The following TAFA1 variants were observed in gnomAD, a reference collection of about 807,000 sequenced individuals.
TAFA1 encodes chemokine-like protein TAFA-1.
A neutral mutation model predicts 18.5 loss-of-function variants in TAFA1; 4 were observed. The ratio of observed to expected loss-of-function variants is 0.22; its 90% CI spans 0.11 to 0.49. The LOEUF is 0.49. Among genes scored for constraint, TAFA1 ranks in the 20% least tolerant of loss-of-function variants. The pLI is 0.98. For synonymous variants in TAFA1, 56 were observed against 55.2 expected (o/e 1.01, Z -0.06); for missense variants, 147 against 169.0 (o/e 0.87, Z 0.72).
At chr3:68,460,453 G>C (rs2071753783) in intron 3 of TAFA1, among the ~76,000 whole-genome samples, 1 of 152,150 alleles carries the variant, frequency 6.6e-6, no homozygotes, top group African/African-American at 2.4e-5. Context: ...GGGAGAGACA[G>C]ACTTTTAGCA....
intron 2 of TAFA1, among the ~76,000 whole-genome samples, chr3:68,330,324 G>A (rs111390796): frequency 1.3e-5 from 2 of 152,246 alleles, no homozygotes; most frequent in African/African-American, 4.8e-5. Context: ...TATTAACCAA[G>A]CTGATCCAGG....
At chr3:68,307,121 C>T (rs2068436589) in intron 2 of TAFA1, among the ~76,000 whole-genome samples, 1 of 152,068 alleles carries the variant, frequency 6.6e-6, no homozygotes, top group African/African-American at 2.4e-5. Context: ...GAATTTAATA[C>T]ATTGCCCTAG....
At chr3:68,356,177 G>A (rs1006949833) in intron 2 of TAFA1, among the ~76,000 whole-genome samples, 3 of 151,770 alleles carry the variant, frequency 2.0e-5, no homozygotes, top group African/African-American at 7.3e-5. Context: ...TCTGAATCCA[G>A]TATTTGGGTT....
At chr3:68,072,843 C>T (rs990635021) in intron 2 of TAFA1, among the ~76,000 whole-genome samples, 1 of 152,134 alleles carries the variant, frequency 6.6e-6, no homozygotes, top group Non-Finnish European at 1.5e-5. Flanking sequence ...GCTTGAAACA[C>T]GTGATCTAGT....
At position 68,255,713 on chromosome 3, in the gene TAFA1, T is replaced by G. The variant is rs570184586; in HGVS notation, c.119-161567T>G. 1.3e-4 allele frequency among the ~76,000 whole-genome samples: 20 copies of G among 152,194 alleles called. No individual in the cohort carries two copies. The South Asian group carries it at 3.7e-3, about 28-fold the overall frequency. On this transcript the variant is annotated intron_variant, in intron 2 of 4. Coordinates refer to ENST00000478136, the MANE Select transcript of TAFA1 (RefSeq NM_213609.4). ...TGTTTGTTTTATGAAGGATAATGATTTATTTTTTAAGGGACCCTAGGCTTC... is the reference window on the plus strand; with the variant it reads ...TGTTTGTTTTATGAAGGATAATGATGTATTTTTTAAGGGACCCTAGGCTTC...
chr3:68,321,656 T>C (rs985223669), intron 2 of TAFA1, among the ~76,000 whole-genome samples: 3 of 152,194 alleles, frequency 2.0e-5, no homozygotes, highest in African/African-American at 7.2e-5. Context: ...GAAGCCATCA[T>C]TGATCTCCCA....
chr3:68,026,759 T>C (rs1482600460), intron 2 of TAFA1, among the ~76,000 whole-genome samples: 1 of 152,194 alleles, frequency 6.6e-6, no homozygotes, highest in East Asian at 1.9e-4. Flanking sequence ...TGTTCACTTC[T>C]ATGTACCTTG....
At chr3:68,337,119 A>G (rs191685800) in intron 2 of TAFA1, among the ~76,000 whole-genome samples, 155 of 152,052 alleles carry the variant, frequency 1.0e-3, no homozygotes, top group Non-Finnish European at 1.5e-3. Context: ...ACTTCTTTAT[A>G]GAAAGAACTA....
chr3:68,493,951 G>A (rs531351544), intron 3 of TAFA1, among the ~76,000 whole-genome samples: 5 of 152,124 alleles, frequency 3.3e-5, no homozygotes, highest in East Asian at 1.9e-4. Context: ...ATAACCAGGA[G>A]TTTATTCAGT....
At chr3:68,357,771 T>C (rs2069393279) in intron 2 of TAFA1, among the ~76,000 whole-genome samples, 3 of 151,950 alleles carry the variant, frequency 2.0e-5, no homozygotes. Context: ...ATATCCCTTT[T>C]AGAGATGTAA....
intron 2 of TAFA1, among the ~76,000 whole-genome samples, chr3:68,398,983 CT>C (rs144261018): frequency 0.012 from 1,873 of 152,216 alleles, 40 homozygotes; most frequent in African/African-American, 0.043. Flanking sequence ...CCAAATTACT[CT>C]TTTTCCACAC....
At chr3:68,478,001 T>C (rs1422869996) in intron 3 of TAFA1, among the ~76,000 whole-genome samples, 2 of 152,170 alleles carry the variant, frequency 1.3e-5, no homozygotes, top group East Asian at 1.9e-4. Flanking sequence ...ATTTGGAGCC[T>C]GTGCTTTGTC....
At chr3:68,384,732 A>T (rs1033364926) in intron 2 of TAFA1, among the ~76,000 whole-genome samples, 1 of 151,816 alleles carries the variant, frequency 6.6e-6, no homozygotes, top group East Asian at 1.9e-4. Flanking sequence ...TGAATTTTCT[A>T]CCTCAATAAT....
At chr3:68,390,895 A>G (rs1054994167) in intron 2 of TAFA1, among the ~76,000 whole-genome samples, 2 of 152,206 alleles carry the variant, frequency 1.3e-5, no homozygotes, top group African/African-American at 4.8e-5. Context: ...ATCCACGAAG[A>G]AGGGGAAAAA....
chr3:68,447,618 A>T (rs1348090157), intron 3 of TAFA1, among the ~76,000 whole-genome samples: 1 of 152,222 alleles, frequency 6.6e-6, no homozygotes, highest in Non-Finnish European at 1.5e-5. Flanking sequence ...TGTGGATGGT[A>T]GTTGAAAATT....
intron 3 of TAFA1, among the ~76,000 whole-genome samples, chr3:68,522,146 A>G (rs2073037331): frequency 6.6e-6 from 1 of 152,038 alleles, no homozygotes; most frequent in Admixed American, 6.5e-5. Context: ...CAAAATATCA[A>G]AAACTTTTCA....
At chr3:68,539,340 G>A (rs1441367877) in intron 4 of TAFA1, among the ~76,000 whole-genome samples, 1 of 152,040 alleles carries the variant, frequency 6.6e-6, no homozygotes, top group Non-Finnish European at 1.5e-5. Flanking sequence ...TTTGGGGAGT[G>A]AATACATCAT....
intron 2 of TAFA1, among the ~76,000 whole-genome samples, chr3:68,232,081 T>C (rs1316313532): frequency 6.6e-6 from 1 of 152,162 alleles, no homozygotes; most frequent in Non-Finnish European, 1.5e-5. Context: ...ACATTCAAAC[T>C]CTCTTCTAGA....
At chr3:68,491,148 AT>A (rs1389069645) in intron 3 of TAFA1, among the ~76,000 whole-genome samples, 2 of 152,110 alleles carry the variant, frequency 1.3e-5, no homozygotes, top group Non-Finnish European at 2.9e-5. Context: ...CTCCTCCACA[AT>A]TTTTAAGAGT....
Sources: gnomAD v4.1 joint callset for allele counts (sites outside exome capture counted in the v4.1 genomes callset) on GRCh38, gnomAD v4.1.1 for gene constraint, MANE v1.5 for transcripts, NCBI Gene and HGNC (gene_info 2026-07-23, HGNC 2026-07-21) for gene names.